Variants in EDARADD observed in about 807,000 individuals in gnomAD.
EDARADD encodes ectodysplasin-A receptor-associated adapter protein.
EDARADD carries 20 observed loss-of-function variants against 25.6 expected under a neutral mutation model. The ratio of observed to expected loss-of-function variants is 0.78; its 90% confidence interval spans 0.55 to 1.14. EDARADD has a LOEUF of 1.14. Ranked by LOEUF, EDARADD falls within the 50% of genes most tolerant of loss-of-function variation. The pLI is 0.00. For synonymous variants in EDARADD, 86 were observed against 94.4 expected, an observed-to-expected ratio of 0.91 and a Z score of 0.52; for missense variants, 225 against 270.1, an observed-to-expected ratio of 0.83 and a Z score of 1.17.
chr1:236,413,144 G>A (rs1478163443), intron 2 of EDARADD, among the ~76,000 whole-genome samples: 3 of 152,348 alleles, frequency 2.0e-5, no homozygotes, highest in South Asian at 2.1e-4. Flanking sequence ...GATTACAGGC[G>A]TGAGCCACCG....
chr1:236,377,835 C>T (rs368958994), intron 3 of EDARADD, among the ~76,000 whole-genome samples: 30 of 151,224 alleles, frequency 2.0e-4, no homozygotes, highest in African/African-American at 5.1e-4. Context: ...TCCAGCCTCA[C>T]GACAGAGTGA....
chr1:236,438,325 C>G (rs1658314697), intron 4 of EDARADD, among the ~76,000 whole-genome samples: 1 of 152,130 alleles, frequency 6.6e-6, no homozygotes. Flanking sequence ...TGTTTGAAAA[C>G]AAAGCAAAAC....
intron 3 of EDARADD, among the ~76,000 whole-genome samples, chr1:236,359,179 C>T (rs1195679694): frequency 6.6e-6 from 1 of 152,192 alleles, no homozygotes; most frequent in Non-Finnish European, 1.5e-5. Context: ...TCATCTCACC[C>T]TCACTCTCTA....
chr1:236,389,538 G>A (rs1028318481), upstream of EDARADD, among the ~76,000 whole-genome samples: 5 of 152,288 alleles, frequency 3.3e-5, no homozygotes, highest in South Asian at 4.1e-4. Flanking sequence ...TTAAATACAC[G>A]CACTGGAATG....
chr1:236,389,417 G>A (rs184583656), upstream of EDARADD, among the ~76,000 whole-genome samples: 2 of 152,280 alleles, frequency 1.3e-5, no homozygotes, highest in African/African-American at 2.4e-5. Flanking sequence ...CACTGCTCAT[G>A]CTTCTAGTGA....
chr1:236,477,088 G>A lies in EDARADD; in HGVS notation c.266-5179G>A, dbSNP rs116074097. ...AAAAAAGAAAAAATTAATCACCTGC[G>A]TTCTCATCACCCAGAATTAACCATT... On this transcript the variant is annotated intron_variant, in intron 5 of 5. Transcript: ENST00000334232. Among the ~76,000 whole-genome samples, 1,086 of 150,570 alleles carry A rather than the reference G, an allele frequency of 7.2e-3. 20 individuals carry two copies. The highest frequency in any genetic ancestry group is 0.025 in the African/African-American group (1,033 of 41,000).
chr1:236,397,274 C>G lies in EDARADD; in HGVS notation c.61+2769C>G, dbSNP rs115175453. 4.6e-3 allele frequency among the ~76,000 whole-genome samples: 694 copies of G among 152,002 alleles called. 4 individuals are homozygous for G. Among genetic ancestry groups the G allele is most frequent in the African/African-American group, 0.016 (666 of 41,446 alleles). On this transcript the variant is annotated intron_variant, in intron 1 of 5. Coordinates refer to ENST00000334232, the MANE Select transcript of EDARADD (RefSeq NM_145861.4). ...AAAATAGAAAAATTAGCCAAATGTG[C>G]CAGTGCATACCTATAGTCCCAGCTA...
At chr1:236,393,397 T>TC (rs1369980755), upstream of EDARADD, among the ~76,000 whole-genome samples, 22 of 124,466 alleles carry the variant, frequency 1.8e-4, no homozygotes, top group Admixed American at 6.5e-4. Flanking sequence ...CTTTCTTTTT[T>TC]TTTTTTTTTT....
At chr1:236,409,163 G>GT (rs1667791494) in intron 1 of EDARADD, 53 bp from the exon 2 acceptor site, 6 of 1,422,202 alleles carry the variant, frequency 4.2e-6, no homozygotes, top group Non-Finnish European at 5.9e-6. Flanking sequence ...CTCATTTGTG[G>GT]TTTTAAATTA....
At chr1:236,456,776 C>T (rs952494455) in intron 4 of EDARADD, among the ~76,000 whole-genome samples, 5 of 144,006 alleles carry the variant, frequency 3.5e-5, no homozygotes, top group African/African-American at 1.3e-4. Context: ...CAACTCATCC[C>T]TGTAGAGCTG....
In EDARADD at chr1:236,395,928, C is replaced by G. The variant is rs1477408087; in HGVS notation, c.61+1423C>G. On this transcript the variant is annotated intron_variant, in intron 1 of 5. Coordinates refer to ENST00000334232, the MANE Select transcript of EDARADD (RefSeq NM_145861.4). This position sits in a 1 kb window ranked among gnomAD's most constrained non-coding sequence, Gnocchi z 6.9. ...CCGCGCGCCTTCCCCCTGCCCATGC[C>G]GCAGCCCCCGTGGCTTTTGTTCTGG... Among the ~76,000 whole-genome samples the G allele has an allele frequency of 6.6e-6, 1 of 152,202 alleles. No homozygotes were observed. The highest frequency in any genetic ancestry group is 2.4e-5 in the African/African-American group (1 of 41,458).
chr1:236,388,876 C>A (rs1204268839), intron 3 of EDARADD, among the ~76,000 whole-genome samples: 4 of 152,194 alleles, frequency 2.6e-5, no homozygotes, highest in African/African-American at 9.7e-5. Context: ...TCCTGAGTTA[C>A]CAGTCTGAGC....
At chr1:236,463,244 G>A (rs1443174782) in intron 4 of EDARADD, among the ~76,000 whole-genome samples, 2 of 152,130 alleles carry the variant, frequency 1.3e-5, no homozygotes, top group African/African-American at 4.8e-5. Flanking sequence ...TGCCCACATC[G>A]TTTGAGAGAA....
chr1:236,379,709 G>A (rs1267058074), intron 3 of EDARADD, among the ~76,000 whole-genome samples: 1 of 151,960 alleles, frequency 6.6e-6, no homozygotes, highest in African/African-American at 2.4e-5. Context: ...AACCCCGGGG[G>A]GTGGAGGCTG....
chr1:236,445,101 C>T (rs1016065088), intron 4 of EDARADD, among the ~76,000 whole-genome samples: 5 of 151,908 alleles, frequency 3.3e-5, no homozygotes, highest in African/African-American at 1.2e-4. Flanking sequence ...TAATCATTTA[C>T]TTTTTTGATG....
chr1:236,420,156 A>G (rs1191298876), intron 3 of EDARADD, among the ~76,000 whole-genome samples: 1 of 152,218 alleles, frequency 6.6e-6, no homozygotes, highest in African/African-American at 2.4e-5. Flanking sequence ...ACTGCACTCC[A>G]CCCTGGACAA....
intron 5 of EDARADD, among the ~76,000 whole-genome samples, chr1:236,472,041 A>G (rs11587227): frequency 0.19 from 29,612 of 152,142 alleles, 3,546 homozygotes; most frequent in Middle Eastern, 0.29. Flanking sequence ...ATTGTTTTAA[A>G]TGACATTAAT....
At chr1:236,422,522 C>T (rs1657806919) in intron 3 of EDARADD, among the ~76,000 whole-genome samples, 1 of 152,170 alleles carries the variant, frequency 6.6e-6, no homozygotes, top group Non-Finnish European at 1.5e-5. Flanking sequence ...AAGATGACTG[C>T]CTGAAGTTTG....
chr1:236,371,745 T>C (rs987053478), intron 3 of EDARADD, among the ~76,000 whole-genome samples: 6 of 151,744 alleles, frequency 4.0e-5, no homozygotes, highest in African/African-American at 1.5e-4. Flanking sequence ...AATTTTTTTG[T>C]ATTTTTAATA....
Sources: allele counts gnomAD v4.1 joint callset (sites outside exome capture counted in the v4.1 genomes callset), GRCh38; gene constraint gnomAD v4.1.1; non-coding constraint Gnocchi (gnomAD v3.1); transcripts MANE v1.5; gene names NCBI Gene and HGNC (gene_info 2026-07-23, HGNC 2026-07-21).